KLF12: variants seen among roughly 807,000 people sequenced by gnomAD.
KLF12 encodes KLF transcription factor 12.
KLF12 carries 9 observed loss-of-function variants against 37.8 expected under a neutral mutation model. The ratio of observed to expected loss-of-function variants is 0.24; its 90% CI spans 0.14 to 0.42. The LOEUF (loss-of-function observed/expected upper bound fraction) is 0.42, where lower values mean the gene tolerates loss of function less well. KLF12 is among the 10% of genes least tolerant of loss of function. KLF12 has a pLI of 1.00. For synonymous variants in KLF12, 208 were observed against 202.1 expected, an observed-to-expected ratio of 1.03 and a Z score of -0.25; for missense variants, 411 against 516.0, an observed-to-expected ratio of 0.80 and a Z score of 1.97.
chr13:74,204,172 G>A, the KLF12 span, among the ~76,000 whole-genome samples: 2 of 152,068 alleles, frequency 1.3e-5, no homozygotes, highest in African/African-American at 4.8e-5. Flanking sequence ...GTCTGACTTT[G>A]GACAAGTTCT....
intron 1 of KLF12, among the ~76,000 whole-genome samples, chr13:74,003,170 T>C (rs754622570): frequency 1.3e-5 from 2 of 152,182 alleles, no homozygotes; most frequent in African/African-American, 2.4e-5. Flanking sequence ...TAGGGAGCTC[T>C]GGTGAAAGAA....
chr13:73,973,952 G>A (rs1235150790), intron 2 of KLF12, among the ~76,000 whole-genome samples: 1 of 151,870 alleles, frequency 6.6e-6, no homozygotes, highest in Non-Finnish European at 1.5e-5. Context: ...TATCAACTCA[G>A]TACTCGTAAA....
chr13:73,922,962 C>A (rs1049250848), intron 3 of KLF12, among the ~76,000 whole-genome samples: 1 of 152,156 alleles, frequency 6.6e-6, no homozygotes. Flanking sequence ...GACCTTCCGC[C>A]ACAAATTCGA....
At chr13:73,872,210 C>A (rs1190290115) in intron 3 of KLF12, among the ~76,000 whole-genome samples, 1 of 151,970 alleles carries the variant, frequency 6.6e-6, no homozygotes, top group Non-Finnish European at 1.5e-5. Context: ...ATTTGCACTG[C>A]AAATATATTT....
the KLF12 span, among the ~76,000 whole-genome samples, chr13:74,305,984 C>G: frequency 0.019 from 2,911 of 152,136 alleles, 38 homozygotes; most frequent in Non-Finnish European, 0.029. Context: ...AAGATTTGAT[C>G]CAAAAACTTA....
intron 4 of KLF12, among the ~76,000 whole-genome samples, chr13:73,838,121 A>G (rs1465752705): frequency 6.6e-6 from 1 of 151,468 alleles, no homozygotes; most frequent in African/African-American, 2.4e-5. Context: ...CCATGGGAAT[A>G]AACTCCAGTT....
chr13:73,813,136 T>C lies in KLF12; in HGVS notation c.806+16A>G, dbSNP rs764643147. The C allele has an allele frequency of 6.2e-7, 1 of 1,612,254 alleles. No individual in the cohort carries two copies. The highest frequency in any genetic ancestry group is 8.5e-7 in the Non-Finnish European group (1 of 1,178,678). ...CCTTGGCAATTCTTAATTCATCCTGTGAATGTGATACTTACTCTTGTACTG... is the reference window on the plus strand; with the variant it reads ...CCTTGGCAATTCTTAATTCATCCTGCGAATGTGATACTTACTCTTGTACTG... On this transcript the variant is annotated intron_variant, in intron 5 of 7. Coordinates refer to ENST00000377669, the MANE Select transcript of KLF12 (RefSeq NM_007249.5).
At chr13:73,964,992 T>C (rs1010822780) in intron 2 of KLF12, among the ~76,000 whole-genome samples, 10 of 152,216 alleles carry the variant, frequency 6.6e-5, no homozygotes, top group Middle Eastern at 3.4e-3. Flanking sequence ...GCAAAAAAGG[T>C]AGCAGCTCCA....
At chr13:74,104,893 C>A (rs966103321) in intron 1 of KLF12, among the ~76,000 whole-genome samples, 1 of 152,048 alleles carries the variant, frequency 6.6e-6, no homozygotes, top group Non-Finnish European at 1.5e-5. Context: ...GTTAGGTTCC[C>A]CCCTCCCCCG....
rs560244354 is a variant in KLF12, at chr13:73,833,914, G to C, written c.670+11913C>G. ...TTATTCTACTGTCAGGGTTCAGACT[G>C]CACGTCTACACTGGCCACACAGCAT... On this transcript the variant is annotated intron_variant, in intron 4 of 7. Coordinates refer to ENST00000377669, the MANE Select transcript of KLF12 (RefSeq NM_007249.5). Among the ~76,000 whole-genome samples the C allele has an allele frequency of 4.6e-5, 7 of 152,200 alleles. No homozygotes were observed. In the East Asian group the frequency reaches 1.2e-3, roughly 25 times the overall value.
chr13:73,870,968 TATAA>T (rs756580525), intron 3 of KLF12, among the ~76,000 whole-genome samples: 138 of 152,264 alleles, frequency 9.1e-4, no homozygotes, highest in Non-Finnish European at 3.4e-4. Flanking sequence ...TTATGCAACA[TATAA>T]ATAAGTACAA....
intron 1 of KLF12, among the ~76,000 whole-genome samples, chr13:74,024,450 T>C (rs1207222232): frequency 6.6e-6 from 1 of 152,236 alleles, no homozygotes; most frequent in Admixed American, 6.5e-5. Context: ...CATTCTGTCA[T>C]GCTCAAGAAC....
intron 1 of KLF12, among the ~76,000 whole-genome samples, chr13:74,053,084 G>C (rs941400377): frequency 2.6e-5 from 4 of 152,144 alleles, no homozygotes; most frequent in Admixed American, 6.5e-5. Flanking sequence ...TTTCAATCTG[G>C]TTGTATGTTG....
chr13:73,723,930 AC>A (rs1460309624), intron 6 of KLF12, among the ~76,000 whole-genome samples: 2 of 152,132 alleles, frequency 1.3e-5, no homozygotes, highest in Non-Finnish European at 2.9e-5. Flanking sequence ...TAGGAACACT[AC>A]ACTGTTGGTG....
intron 1 of KLF12, among the ~76,000 whole-genome samples, chr13:74,040,270 G>A (rs1408056512): frequency 6.6e-6 from 1 of 152,166 alleles, no homozygotes; most frequent in Non-Finnish European, 1.5e-5. Flanking sequence ...AGGTGCTAGG[G>A]ATTCAACAGT....
At chr13:73,986,287 G>A (rs1225962330) in intron 2 of KLF12, among the ~76,000 whole-genome samples, 1 of 152,074 alleles carries the variant, frequency 6.6e-6, no homozygotes, top group Admixed American at 6.6e-5. Context: ...TTTTTATAAT[G>A]GGAAATTTTA....
At chr13:73,992,680 T>A (rs1007478644) in intron 2 of KLF12, among the ~76,000 whole-genome samples, 49 of 152,200 alleles carry the variant, frequency 3.2e-4, no homozygotes. Flanking sequence ...GTAAAAGCCA[T>A]ATTCAAATCC....
In KLF12 at chr13:74,071,594, G is replaced by A. The variant is rs576230411; in HGVS notation, c.-32+62145C>T. Among the ~76,000 whole-genome samples the A allele has an allele frequency of 2.0e-5, 3 of 152,332 alleles. No homozygotes were observed. In the East Asian group the frequency reaches 5.8e-4, roughly 29 times the overall value. ...TGTAGTCCCAGCTACTCGGGAGGCT[G>A]AGGCAGGAGAATGGCGTGAACTCGG... On this transcript the variant is annotated intron_variant, in intron 1 of 7. Transcript: ENST00000377669.
At chr13:74,104,316 G>A (rs531949145) in intron 1 of KLF12, among the ~76,000 whole-genome samples, 6 of 152,290 alleles carry the variant, frequency 3.9e-5, no homozygotes, top group African/African-American at 9.6e-5. Flanking sequence ...TTATTCAACC[G>A]TAACTGTACA....
Sources: allele counts gnomAD v4.1 joint callset (sites outside exome capture counted in the v4.1 genomes callset), GRCh38; gene constraint gnomAD v4.1.1; transcripts MANE v1.5; gene names NCBI Gene and HGNC (gene_info 2026-07-23, HGNC 2026-07-21).